Variants in PCSK6 observed in about 807,000 individuals in gnomAD.
PCSK6 encodes the protein paired basic amino acid cleaving enzyme 4.
PCSK6 carries 85 observed loss-of-function variants against 123.3 expected under a neutral mutation model. The ratio of observed to expected loss-of-function variants is 0.69; its 90% confidence interval spans 0.58 to 0.83. The LOEUF (loss-of-function observed/expected upper bound fraction) is 0.83. Ranked by LOEUF, PCSK6 falls within the 40% of genes least tolerant of loss-of-function variation. PCSK6 has a pLI of 0.00. For missense variants in PCSK6, 1,191 were observed against 1,282.3 expected (o/e 0.93, Z 1.09); for synonymous variants, 508 against 516.0 (o/e 0.98, Z 0.21).
At chr15:101,477,259 C>G (rs942868714) in intron 1 of PCSK6, among the ~76,000 whole-genome samples, 9 of 149,932 alleles carry the variant, frequency 6.0e-5, no homozygotes, top group Middle Eastern at 3.4e-3. Context: ...GTGTGTGTGT[C>G]TGTGTGTCTG....
intron 18 of PCSK6, 54 bp downstream of exon 18, chr15:101,322,466 C>G (rs2040147819): frequency 8.0e-7 from 1 of 1,248,950 alleles, no homozygotes; most frequent in African/African-American, 1.5e-5. Context: ...ATCCATAACA[C>G]ACTCCAAGCA....
In PCSK6 at chr15:101,427,923, G is replaced by A. The variant is rs900622333; in HGVS notation, c.792C>T (p.Ile264=). 12 of 1,586,794 alleles carry A rather than the reference G, an allele frequency of 7.6e-6. No homozygotes were observed. The highest frequency in any genetic ancestry group is 3.5e-5 in the South Asian group (3 of 86,412). ...TTTTGGCATTGTACGCTATGCCCACGATGCAGTAGGAATTGTTTGCTGAAG... is the reference window on the plus strand; with the variant it reads ...TTTTGGCATTGTACGCTATGCCCACAATGCAGTAGGAATTGTTTGCTGAAG... The part of the protein sequence containing the change: ...VAASANNSYC[I]VGIAYNAKIG... The change falls in exon 6 of 22, where the codon ATC becomes ATT. Residue 264 remains isoleucine, a synonymous_variant. Transcript: ENST00000611716.
Position 101,450,659 on chromosome 15 carries a change from C to A in PCSK6, c.298-6999G>T, listed in dbSNP as rs77291891. Among the ~76,000 whole-genome samples, 966 of 152,318 alleles carry A rather than the reference C, an allele frequency of 6.3e-3. 6 individuals carry two copies. The highest frequency in any genetic ancestry group is 0.02 in the African/African-American group (824 of 41,578). ...TTGGGAGGATACACAGGTCTCCCCC[C>A]ATCCCATCTGTGTCCAGCTGTCCAG... is the stretch of plus-strand genomic sequence containing the variant. On this transcript the variant is annotated intron_variant, in intron 1 of 21. Transcript: ENST00000611716.
At chr15:101,463,302 T>TAA (rs1282400798) in intron 1 of PCSK6, among the ~76,000 whole-genome samples, 1 of 152,086 alleles carries the variant, frequency 6.6e-6, no homozygotes, top group Non-Finnish European at 1.5e-5. Flanking sequence ...TTCTACAGGG[T>TAA]AACTTCTGGC....
At chr15:101,307,389 C>A (rs2039749858) in intron 20 of PCSK6, 64 bp from the exon 21 acceptor site, 2 of 1,217,300 alleles carry the variant, frequency 1.6e-6, no homozygotes, top group East Asian at 2.5e-5. Flanking sequence ...GGGCTCCCTT[C>A]CCAGAACCCT....
chr15:101,392,117 G>A (rs1035271297), intron 8 of PCSK6, among the ~76,000 whole-genome samples: 29 of 152,134 alleles, frequency 1.9e-4, no homozygotes, highest in African/African-American at 7.0e-4. Flanking sequence ...GCATCCATTC[G>A]GCCAGCAAGA....
chr15:101,436,538 A>T (rs1295876295), intron 2 of PCSK6, among the ~76,000 whole-genome samples: 2 of 152,244 alleles, frequency 1.3e-5, no homozygotes, highest in Non-Finnish European at 1.5e-5. Flanking sequence ...CCACCAGGGC[A>T]TATCAAGGGA....
Position 101,489,643 on chromosome 15 carries a change from C to G in PCSK6, c.28G>C (p.Gly10Arg). The G allele has an allele frequency of 1.0e-6, 1 of 975,998 alleles. No homozygotes were observed. The highest frequency in any genetic ancestry group is 1.2e-6 in the Non-Finnish European group (1 of 825,612). The allele number at this position is 975,998 out of a possible 1,614,324, so 60.5% of individuals were successfully genotyped here. A position where few individuals can be genotyped will look rare whatever the true frequency, so the allele number is the denominator to read the frequency against. MPPRAPPAP[G>R]PRPPPRAAAA... ...GCGGCCCGGGGCGGCGGCCGGGGCC[C>G]GGGCGCAGGCGGCGCGCGCGGAGGC... The change falls in exon 1 of 22, where the codon GGG becomes CGG. Residue 10 changes from glycine to arginine, a missense_variant. Coordinates refer to ENST00000611716, the MANE Select transcript of PCSK6 (RefSeq NM_002570.5).
intron 19 of PCSK6, among the ~76,000 whole-genome samples, chr15:101,317,690 A>T (rs1225929605): frequency 1.3e-5 from 2 of 152,148 alleles, no homozygotes; most frequent in Non-Finnish European, 2.9e-5. Context: ...CTGAGACAAG[A>T]TGGCTTATGA....
chr15:101,473,890 A>AAG (rs1567248866), intron 1 of PCSK6, among the ~76,000 whole-genome samples: 10 of 69,756 alleles, frequency 1.4e-4, no homozygotes, highest in East Asian at 1.2e-3. Context: ...AAATAAGTAA[A>AAG]TAAATAAATA....
chr15:101,450,223 A>T (rs967786107), intron 1 of PCSK6, among the ~76,000 whole-genome samples: 2 of 149,498 alleles, frequency 1.3e-5, no homozygotes, highest in African/African-American at 5.0e-5. Context: ...GTACCACCGC[A>T]CTGACACTCC....
chr15:101,397,700 C>G (rs1482132373), intron 7 of PCSK6, among the ~76,000 whole-genome samples: 5 of 152,244 alleles, frequency 3.3e-5, no homozygotes, highest in Non-Finnish European at 5.9e-5. Flanking sequence ...ATCTGCCTTG[C>G]CACCCTGTTT....
chr15:101,335,850 A>T (rs2040465282), intron 13 of PCSK6, among the ~76,000 whole-genome samples: 1 of 152,052 alleles, frequency 6.6e-6, no homozygotes, highest in African/African-American at 2.4e-5. Flanking sequence ...TGGTACCCCT[A>T]CTCCACACCT....
intron 1 of PCSK6, among the ~76,000 whole-genome samples, chr15:101,486,446 T>C (rs1341057764): frequency 6.6e-6 from 1 of 152,192 alleles, no homozygotes; most frequent in Non-Finnish European, 1.5e-5. Flanking sequence ...GCTCCAGGGG[T>C]TAATCTCCAG....
intron 2 of PCSK6, among the ~76,000 whole-genome samples, chr15:101,435,741 A>T (rs1208683837): frequency 6.6e-6 from 1 of 152,232 alleles, no homozygotes; most frequent in Non-Finnish European, 1.5e-5. Flanking sequence ...AGCCAAGTTA[A>T]AATGAGGCAT....
At chr15:101,369,059 G>A (rs1419408058) in intron 12 of PCSK6, among the ~76,000 whole-genome samples, 1 of 152,104 alleles carries the variant, frequency 6.6e-6, no homozygotes, top group African/African-American at 2.4e-5. Context: ...AATGTGGGAT[G>A]GGCTGAGCTT....
intron 9 of PCSK6, among the ~76,000 whole-genome samples, chr15:101,387,890 C>T (rs1331584365): frequency 6.6e-6 from 1 of 152,240 alleles, no homozygotes; most frequent in African/African-American, 2.4e-5. Flanking sequence ...CCGTTCCTTC[C>T]TTGACCAATC....
intron 2 of PCSK6, 82 bp from the exon 3 acceptor site, chr15:101,432,182 T>C: frequency 9.1e-7 from 1 of 1,101,436 alleles, no homozygotes; most frequent in East Asian, 2.6e-5. Flanking sequence ...GCTACAGCCT[T>C]CCTTGTGCGT....
At chr15:101,428,206 C>T (rs745991439) in intron 5 of PCSK6, among the ~76,000 whole-genome samples, 4 of 152,046 alleles carry the variant, frequency 2.6e-5, no homozygotes, top group Non-Finnish European at 5.9e-5. Flanking sequence ...CAAGTGCTCA[C>T]GCATGGTCAC....
Sources: gnomAD v4.1 joint callset for allele counts (sites outside exome capture counted in the v4.1 genomes callset) on GRCh38, gnomAD v4.1.1 for gene constraint, MANE v1.5 for transcripts, NCBI Gene and HGNC (gene_info 2026-07-23, HGNC 2026-07-21) for gene names.